The following ANKMY2 variants were observed in gnomAD, a reference collection of about 807,000 sequenced individuals.
ANKMY2 encodes ankyrin repeat and MYND domain containing 2.
In ANKMY2, 36 loss-of-function variants were observed where a neutral mutation model predicts 50.4. That is an observed-to-expected ratio of 0.71 (90% CI 0.55 to 0.94). The LOEUF (loss-of-function observed/expected upper bound fraction) is 0.94. Among genes scored for constraint, ANKMY2 ranks in the 40% least tolerant of loss-of-function variants. ANKMY2 has a pLI of 0.00. For missense variants in ANKMY2, 565 were observed against 524.0 expected, an observed-to-expected ratio of 1.08 and a Z score of -0.76; for synonymous variants, 187 against 178.8, an observed-to-expected ratio of 1.05 and a Z score of -0.36.
intron 8 of ANKMY2, chr7:16,603,402 T>C (rs1583665597): frequency 6.1e-6 from 2 of 330,028 alleles, no homozygotes; most frequent in Non-Finnish European, 1.2e-5. Context: ...AGAAGAATTC[T>C]AACTGGAGAA....
chr7:16,602,342 A>G, intron 9 of ANKMY2, 38 bp downstream of exon 9: 1 of 1,600,276 alleles, frequency 6.2e-7, no homozygotes, highest in Non-Finnish European at 8.5e-7. Context: ...CTCTCTCTCC[A>G]CTAAAAAGCA....
At chr7:16,619,848 C>T (rs191322561) in intron 4 of ANKMY2, among the ~76,000 whole-genome samples, 4 of 152,168 alleles carry the variant, frequency 2.6e-5, no homozygotes, top group South Asian at 2.1e-4. Context: ...TACAACAAGA[C>T]GTATCCTTTT....
At chr7:16,631,400 A>G (rs914513186) in intron 2 of ANKMY2, among the ~76,000 whole-genome samples, 25 of 152,200 alleles carry the variant, frequency 1.6e-4, no homozygotes, top group Non-Finnish European at 2.9e-4. Context: ...TGGCATCAGC[A>G]TTATGCTAGC....
intron 5 of ANKMY2, among the ~76,000 whole-genome samples, chr7:16,614,948 G>A (rs1781316933): frequency 6.6e-6 from 1 of 152,154 alleles, no homozygotes; most frequent in Non-Finnish European, 1.5e-5. Flanking sequence ...AATTATACTT[G>A]TTTAGCTGGA....
At chr7:16,631,618 CTT>C (rs1179871356) in intron 2 of ANKMY2, among the ~76,000 whole-genome samples, 12 of 143,136 alleles carry the variant, frequency 8.4e-5, no homozygotes, top group South Asian at 2.2e-4. Context: ...AGTTTTTCTA[CTT>C]TTTTTTTTTT....
intron 1 of ANKMY2, among the ~76,000 whole-genome samples, chr7:16,642,248 C>A (rs574233670): frequency 6.6e-6 from 1 of 152,210 alleles, no homozygotes; most frequent in South Asian, 2.1e-4. Context: ...TAATTTATTT[C>A]ATAATAGTGC....
At chr7:16,608,979 C>T (rs189071696) in intron 7 of ANKMY2, among the ~76,000 whole-genome samples, 5 of 151,994 alleles carry the variant, frequency 3.3e-5, no homozygotes, top group African/African-American at 7.2e-5. Flanking sequence ...CCAGCCTAGG[C>T]GACAGAAACA....
intron 9 of ANKMY2, among the ~76,000 whole-genome samples, chr7:16,601,718 C>T (rs940514475): frequency 6.6e-6 from 1 of 152,116 alleles, no homozygotes; most frequent in African/African-American, 2.4e-5. Flanking sequence ...ACATGCACTC[C>T]CCCAGAACAT....
intron 5 of ANKMY2, among the ~76,000 whole-genome samples, chr7:16,612,956 G>T (rs1781278834): frequency 6.6e-6 from 1 of 152,164 alleles, no homozygotes; most frequent in African/African-American, 2.4e-5. Flanking sequence ...ATATGTTTAT[G>T]TAGTGGCATT....
At chr7:16,604,933 C>T (rs976154736) in intron 7 of ANKMY2, 84 bp from the exon 8 acceptor site, 16 of 1,322,370 alleles carry the variant, frequency 1.2e-5, no homozygotes, top group African/African-American at 1.2e-4. Flanking sequence ...CGGACACTGC[C>T]GTCCTACAAT....
At chr7:16,624,447 T>G (rs1424187646) in intron 4 of ANKMY2, among the ~76,000 whole-genome samples, 1 of 152,240 alleles carries the variant, frequency 6.6e-6, no homozygotes, top group Non-Finnish European at 1.5e-5. Context: ...TAGTTGTATA[T>G]TATTATCAAG....
chr7:16,607,293 C>T (rs796808523), intron 7 of ANKMY2, among the ~76,000 whole-genome samples: 38 of 152,244 alleles, frequency 2.5e-4, no homozygotes, highest in African/African-American at 6.7e-4. Context: ...AGGCCGGGTA[C>T]GGTGGCTCAC....
intron 1 of ANKMY2, among the ~76,000 whole-genome samples, chr7:16,644,025 C>T (rs778871382): frequency 6.6e-6 from 1 of 151,928 alleles, no homozygotes; most frequent in Non-Finnish European, 1.5e-5. Flanking sequence ...AAAGAGACAG[C>T]GAGAGCGAGA....
intron 4 of ANKMY2, among the ~76,000 whole-genome samples, chr7:16,624,756 A>G (rs1422688632): frequency 6.6e-6 from 1 of 152,216 alleles, no homozygotes; most frequent in African/African-American, 2.4e-5. Context: ...TTTGTGAGCA[A>G]TTACAATGGC....
chr7:16,627,551 C>G (rs989092887), intron 2 of ANKMY2, among the ~76,000 whole-genome samples: 2 of 152,074 alleles, frequency 1.3e-5, no homozygotes, highest in Non-Finnish European at 2.9e-5. Flanking sequence ...TCAAATAATG[C>G]CTCTCAAGGG....
At chr7:16,629,946 AT>A (rs1360798827) in intron 2 of ANKMY2, among the ~76,000 whole-genome samples, 2 of 152,116 alleles carry the variant, frequency 1.3e-5, no homozygotes, top group Non-Finnish European at 2.9e-5. Flanking sequence ...CATGCTATAA[AT>A]TTTCTATTTA....
At chr7:16,644,824 G>T (rs753419439) in intron 1 of ANKMY2, 5 of 422,434 alleles carry the variant, frequency 1.2e-5, no homozygotes, top group South Asian at 8.5e-5. Flanking sequence ...TTGGGGGAGT[G>T]GACAAGAAAG....
chr7:16,638,293 C>T (rs1781697503), intron 1 of ANKMY2, among the ~76,000 whole-genome samples: 1 of 152,212 alleles, frequency 6.6e-6, no homozygotes, highest in Admixed American at 6.5e-5. Context: ...ATCATAAGCC[C>T]CTGTACTTCT....
intron 9 of ANKMY2, 49 bp downstream of exon 9, chr7:16,602,331 T>C (rs556289826): frequency 6.3e-7 from 1 of 1,589,528 alleles, no homozygotes; most frequent in East Asian, 2.2e-5. Context: ...TCACCTATCA[T>C]CTCTCTCTCC....
Sources: allele counts gnomAD v4.1 joint callset (sites outside exome capture counted in the v4.1 genomes callset), GRCh38; gene constraint gnomAD v4.1.1; transcripts MANE v1.5; gene names NCBI Gene and HGNC (gene_info 2026-07-23, HGNC 2026-07-21).